Variants in DENND4B observed in about 807,000 individuals in gnomAD.
DENND4B encodes the protein DENN domain containing 4B.
A neutral mutation model predicts 161.0 loss-of-function variants in DENND4B; 67 were observed. The ratio of observed to expected loss-of-function variants is 0.42; its 90% CI spans 0.34 to 0.51. The LOEUF is 0.51. Ranked by LOEUF, DENND4B falls within the 20% of genes least tolerant of loss-of-function variation. DENND4B has a pLI of 0.08. For synonymous variants in DENND4B, 753 were observed against 813.8 expected (o/e 0.93, Z 1.27); for missense variants, 1,481 against 1,968.0 (o/e 0.75, Z 4.68).
intron 24 of DENND4B, among the ~76,000 whole-genome samples, chr1:153,931,310 C>T (rs569739218): frequency 5.9e-5 from 9 of 152,226 alleles, no homozygotes; most frequent in African/African-American, 2.2e-4. Context: ...ACTGGTGGAA[C>T]GAATAGACAA....
rs1300600717 is a variant in DENND4B at position 153,937,462 on chromosome 1, C to T, written c.2232+26G>A. On this transcript the variant is annotated intron_variant, in intron 15 of 27. Transcript: ENST00000361217. The surrounding 1 kb of genome is among the most constrained non-coding windows in gnomAD (Gnocchi z 4.7). ...GCAGCCTTCAGCCTGATCCGGGTCC[C>T]TCAGTGCGGTCCACCCACTGCTTAC... The T allele has an allele frequency of 2.6e-6, 4 of 1,510,070 alleles. No homozygotes were observed. The African/African-American group carries it at 5.6e-5, about 21-fold the overall frequency. 93.5% of individuals were successfully genotyped at this position (1,510,070 alleles called of 1,614,324 possible).
chr1:153,939,974 G>T, intron 11 of DENND4B, 170 bp from the exon 12 acceptor site: 2 of 819,650 alleles, frequency 2.4e-6, no homozygotes, highest in Non-Finnish European at 3.8e-6. Context: ...CACATGTTCA[G>T]GAATACTGTC....
rs1390544104 is a variant in DENND4B, at chr1:153,930,513, C to A, written c.4345+26G>T. The A allele has an allele frequency of 1.2e-6, 2 of 1,613,880 alleles. No homozygotes were observed. The highest frequency in any genetic ancestry group is 1.7e-6 in the Non-Finnish European group (2 of 1,179,848). ...ACACCTGGCCCCAGATCCCTAAACT[C>A]CTCAGCCCCTTGCCTGCAATCTCAC... On this transcript the variant is annotated intron_variant, in intron 27 of 27. Coordinates refer to ENST00000361217, the MANE Select transcript of DENND4B (RefSeq NM_014856.3). The surrounding 1 kb of genome is among the most constrained non-coding windows in gnomAD (Gnocchi z 4.7).
intron 17 of DENND4B, among the ~76,000 whole-genome samples, chr1:153,935,607 A>G (rs778545322): frequency 1.3e-5 from 2 of 152,206 alleles, no homozygotes; most frequent in African/African-American, 2.4e-5. Context: ...TCAGCCTCCC[A>G]AAGTGCTGAG....
At chr1:153,941,774 A>AGGGCGGG in intron 6 of DENND4B, 95 bp downstream of exon 6, 1 of 618,134 alleles carries the variant, frequency 1.6e-6, no homozygotes, top group Non-Finnish European at 2.8e-6. Flanking sequence ...CCCTGTGCCC[A>AGGGCGGG]GCCCTCCCCC....
In DENND4B at chr1:153,930,089, C is replaced by T. The variant is rs932055743; in HGVS notation, c.*208G>A. 46 of 668,762 alleles carry T rather than the reference C, an allele frequency of 6.9e-5. No individual in the cohort carries two copies. The highest frequency in any genetic ancestry group is 1.8e-4 in the Admixed American group (6 of 33,352). The allele number at this position is 668,762 out of a possible 1,614,324, so 41.4% of individuals were successfully genotyped here. A position where few individuals can be genotyped will look rare whatever the true frequency, so the allele number is the denominator to read the frequency against. On this transcript the variant is annotated 3_prime_UTR_variant, in exon 28 of 28. Coordinates refer to ENST00000361217, the MANE Select transcript of DENND4B (RefSeq NM_014856.3). The surrounding 1 kb of genome is among the most constrained non-coding windows in gnomAD (Gnocchi z 4.7). ...CCCCAGATCTCCCCCAACATCAGCA[C>T]GAACAAACTGGGTAGGTTGGTGATG...
Position 153,934,438 on chromosome 1 carries a change from T to C in DENND4B, c.2774-136A>G, listed in dbSNP as rs538637455. The C allele has an allele frequency of 8.5e-5, 108 of 1,268,374 alleles. 1 individual carries two copies. The South Asian group carries it at 1.6e-3, about 19-fold the overall frequency. 78.6% of individuals were successfully genotyped at this position (1,268,374 alleles called of 1,614,324 possible). ...ACTTTATCCGTTTTGTGTTTGTTTG[T>C]TTGTTTGTTTTGTTTTGTTTTTTGA... On this transcript the variant is annotated intron_variant, in intron 18 of 27. Coordinates refer to ENST00000361217, the MANE Select transcript of DENND4B (RefSeq NM_014856.3). This position sits in a 1 kb window ranked among gnomAD's most constrained non-coding sequence, Gnocchi z 5.3.
chr1:153,937,549 A>G lies in DENND4B; in HGVS notation c.2171T>C (p.Leu724Pro), dbSNP rs1220630033. 1.9e-6 allele frequency: 3 copies of G among 1,611,474 alleles called. No homozygotes were observed. The highest frequency in any genetic ancestry group is 2.2e-5 in the East Asian group (1 of 44,826). The change falls in exon 15 of 28, where the codon CTG becomes CCG. Residue 724 changes from leucine to proline, a missense_variant. Leu to Pro is a moderately conservative substitution (Grantham distance 98). Coordinates refer to ENST00000361217, the MANE Select transcript of DENND4B (RefSeq NM_014856.3). The surrounding 1 kb of genome is among the most constrained non-coding windows in gnomAD (Gnocchi z 4.7). ...FESLQEQPGA[L>P]PVPGPSRSAP... ...GCTACGGGAAGGGCCTGGCACAGGCAGGGCCCCAGGTTGCTCTTGAAGAGA... is the reference window on the plus strand; with the variant it reads ...GCTACGGGAAGGGCCTGGCACAGGCGGGGCCCCAGGTTGCTCTTGAAGAGA...
chr1:153,934,598 C>T lies in DENND4B; in HGVS notation c.2773+162G>A, dbSNP rs1185919271. On this transcript the variant is annotated intron_variant, in intron 18 of 27. Transcript: ENST00000361217. This position sits in a 1 kb window ranked among gnomAD's most constrained non-coding sequence, Gnocchi z 5.3. The stretch of plus-strand genomic sequence containing the variant: ...CTGGGACTACAGGTGCGCGCCACCA[C>T]GCCCAGCTAATTTTTTTATCCCTTT... The T allele has an allele frequency of 5.1e-5, 66 of 1,295,012 alleles. No homozygotes were observed. Among genetic ancestry groups the T allele is most frequent in the Middle Eastern group, 2.7e-4 (1 of 3,668 alleles). The allele number at this position is 1,295,012 out of a possible 1,614,324, so 80.2% of individuals were successfully genotyped here. A position where few individuals can be genotyped will look rare whatever the true frequency, so the allele number is the denominator to read the frequency against.
In DENND4B at chr1:153,930,754, G is replaced by C. The variant is rs1678863038; in HGVS notation, c.4218C>G (p.His1406Gln). The change falls in exon 26 of 28, where the codon CAC becomes CAG. Residue 1406 changes from histidine (H) to glutamine (Q), a missense_variant. Around this residue, in one of 3 missense-constraint regions of DENND4B, gnomAD observed 336 missense variants for 503.3 expected, o/e 0.67. Transcript: ENST00000361217. The surrounding 1 kb of genome is among the most constrained non-coding windows in gnomAD (Gnocchi z 4.7). ...VLRHVGLNEV[H>Q]KAVGLLLETL... is the part of the protein sequence containing the mutation. The stretch of plus-strand genomic sequence containing the variant: ...TTTCCAGCAGGAGCCCCACAGCCTT[G>C]TGCACTTCATTGAGTCCAACATGGC... The C allele has an allele frequency of 1.2e-6, 2 of 1,610,768 alleles. No homozygotes were observed. Among genetic ancestry groups the C allele is most frequent in the Non-Finnish European group, 8.5e-7 (1 of 1,178,478 alleles).
At chr1:153,931,113 C>T (rs1678896909) in intron 24 of DENND4B, 49 bp from the exon 25 acceptor site, 2 of 1,470,392 alleles carry the variant, frequency 1.4e-6, no homozygotes, top group African/African-American at 2.8e-5. Context: ...GAATGGGAGG[C>T]AGAGGACAAG....
At position 153,937,854 on chromosome 1, in the gene DENND4B, C is replaced by G; in HGVS notation, c.1975G>C (p.Glu659Gln). 6.2e-7 allele frequency: 1 copy of G among 1,614,016 alleles called. No individual in the cohort carries two copies. Among genetic ancestry groups the G allele is most frequent in the East Asian group, 2.2e-5 (1 of 44,886 alleles). The change falls in exon 14 of 28, where the codon GAG becomes CAG. Residue 659 changes from glutamate to glutamine, a missense_variant. Glu to Gln is a conservative substitution (Grantham distance 29). This residue lies in a region of DENND4B where 806 missense variants were observed against 1,134.4 expected (regional missense o/e 0.71). Transcript: ENST00000361217. This position sits in a 1 kb window ranked among gnomAD's most constrained non-coding sequence, Gnocchi z 4.7. The stretch of plus-strand genomic sequence containing the variant: ...GGTGTCGGCTCAGGCTTCTCCTGCT[C>G]TGGGTGGACCTGGAGAAGGATTTTA... Reference protein sequence around the residue: ...FDSCVEKVHPEQEKPEPTPLV... With the variant: ...FDSCVEKVHPQQEKPEPTPLV...
Position 153,941,279 on chromosome 1 carries a change from T to C in DENND4B, c.1133A>G (p.Tyr378Cys), listed in dbSNP as rs772886574. ...RPRILVQMSP[Y>C]DNLLLCQPVS... ...AGGCTGACAGAGGAGCAAGTTGTCATAGGGAGACATCTGGAAGGGAAGAAG... is the reference window on the plus strand; with the variant it reads ...AGGCTGACAGAGGAGCAAGTTGTCACAGGGAGACATCTGGAAGGGAAGAAG... Residue 378 changes from tyrosine (Y) to cysteine (C), a missense_variant, in exon 8 of 28, where the codon TAT (tyrosine) becomes TGT (cysteine). Physicochemically the swap from Tyr to Cys is radical, Grantham distance 194 (BLOSUM62 -2). Coordinates refer to ENST00000361217, the MANE Select transcript of DENND4B (RefSeq NM_014856.3). 17 of 1,613,810 alleles carry C rather than the reference T, an allele frequency of 1.1e-5. No homozygotes were observed. Among genetic ancestry groups the C allele is most frequent in the South Asian group, 9.9e-5 (9 of 91,072 alleles).
chr1:153,931,737 C>T (rs1158313948), intron 24 of DENND4B, among the ~76,000 whole-genome samples: 4 of 151,878 alleles, frequency 2.6e-5, no homozygotes, highest in African/African-American at 9.7e-5. Flanking sequence ...ACCTCATGAT[C>T]TGCCCACCTT....
chr1:153,946,724 A>C, upstream of DENND4B: 1 of 373,504 alleles, frequency 2.7e-6, no homozygotes, highest in Non-Finnish European at 4.8e-6. This position sits in a 1 kb window ranked among gnomAD's most constrained non-coding sequence, Gnocchi z 6.3. Context: ...CGTCTGCCCA[A>C]AGCCCAGCCG....
Position 153,934,839 on chromosome 1 carries a change from C to A in DENND4B, c.2694G>T (p.Gln898His), listed in dbSNP as rs1314899043. The A allele has an allele frequency of 6.2e-7, 1 of 1,610,744 alleles. No individual in the cohort carries two copies. The highest frequency in any genetic ancestry group is 8.5e-7 in the Non-Finnish European group (1 of 1,177,756). The change falls in exon 18 of 28, where the codon CAG (glutamine) becomes CAT (histidine). Residue 898 changes from glutamine (Q) to histidine (H), a missense_variant. This residue lies in a region of DENND4B where 339 missense variants were observed against 330.3 expected (regional missense o/e 1.03). Coordinates refer to ENST00000361217, the MANE Select transcript of DENND4B (RefSeq NM_014856.3). The surrounding 1 kb of genome is among the most constrained non-coding windows in gnomAD (Gnocchi z 5.3). Reference sequence around the variant, plus strand: ...GCTGCTGCTGCTGCTGTTGCTGCTGCTGCTGCTGTTGCCGTTCTCTCAAGG... The same window carrying A: ...GCTGCTGCTGCTGCTGTTGCTGCTGATGCTGCTGTTGCCGTTCTCTCAAGG... ...RQPLRERQQQ[Q>H]QQQQQQQQQQ...
chr1:153,939,095 AC>A, intron 12 of DENND4B, 50 bp from the exon 13 acceptor site: 1 of 1,592,492 alleles, frequency 6.3e-7, no homozygotes, highest in Non-Finnish European at 8.6e-7. Context: ...AGGGCTCTCC[AC>A]CACAGCCATA....
chr1:153,932,502 A>G lies in DENND4B; in HGVS notation c.3760-62T>C. The G allele has an allele frequency of 1.3e-6, 2 of 1,555,394 alleles. No individual in the cohort carries two copies. The highest frequency in any genetic ancestry group is 2.3e-5 in the East Asian group (1 of 42,986). ...GTACATCCCCAGAGCCTTGCCTCCCACTGAGCCACCACATCCAACAGCTTT... is the reference window on the plus strand; with the variant it reads ...GTACATCCCCAGAGCCTTGCCTCCCGCTGAGCCACCACATCCAACAGCTTT... On this transcript the variant is annotated intron_variant, in intron 23 of 27. Coordinates refer to ENST00000361217, the MANE Select transcript of DENND4B (RefSeq NM_014856.3). This position sits in a 1 kb window ranked among gnomAD's most constrained non-coding sequence, Gnocchi z 5.8.
intron 13 of DENND4B, among the ~76,000 whole-genome samples, chr1:153,938,406 C>CA (rs34071791): frequency 0.1 from 10,636 of 103,106 alleles, 549 homozygotes; most frequent in South Asian, 0.2. Context: ...AAAACTATCT[C>CA]AAAAAAAAAA....
Sources: gnomAD v4.1 joint callset for allele counts (sites outside exome capture counted in the v4.1 genomes callset) on GRCh38, gnomAD v4.1.1 for gene constraint, gnomAD v4.1.1 regional missense constraint, Gnocchi (gnomAD v3.1) non-coding constraint, MANE v1.5 for transcripts, NCBI Gene and HGNC (gene_info 2026-07-23, HGNC 2026-07-21) for gene names.